SLC9A9: variants seen among roughly 807,000 people sequenced by gnomAD.
SLC9A9 encodes the protein solute carrier family 9 member A9, also known as sodium/hydrogen exchanger 9.
SLC9A9 carries 62 observed loss-of-function variants against 77.8 expected under a neutral mutation model. The observed-to-expected ratio is 0.80, with a 90% CI of 0.65 to 0.98. The LOEUF (loss-of-function observed/expected upper bound fraction) is 0.98. Among genes scored for constraint, SLC9A9 ranks in the 50% least tolerant of loss-of-function variants. The pLI is 0.00. For missense variants in SLC9A9, 775 were observed against 774.9 expected (o/e 1.00, Z 0.00); for synonymous variants, 320 against 283.5 (o/e 1.13, Z -1.29).
At chr3:143,542,389 G>T (rs2036704021) in intron 9 of SLC9A9, among the ~76,000 whole-genome samples, 1 of 152,186 alleles carries the variant, frequency 6.6e-6, no homozygotes, top group African/African-American at 2.4e-5. Flanking sequence ...GCTTTATGAA[G>T]ATATCTTTGA....
At chr3:143,386,052 A>G (rs2033417420) in intron 12 of SLC9A9, among the ~76,000 whole-genome samples, 1 of 152,052 alleles carries the variant, frequency 6.6e-6, no homozygotes, top group Non-Finnish European at 1.5e-5. Flanking sequence ...AACTCCAAGC[A>G]CTGTCCTCCC....
At chr3:143,802,047 G>T (rs1336524027) in intron 2 of SLC9A9, among the ~76,000 whole-genome samples, 1 of 152,158 alleles carries the variant, frequency 6.6e-6, no homozygotes, top group Non-Finnish European at 1.5e-5. Context: ...TGCTGATAAG[G>T]TAGCTAAAGA....
intron 4 of SLC9A9, among the ~76,000 whole-genome samples, chr3:143,706,635 A>G (rs1326985578): frequency 1.3e-5 from 2 of 152,170 alleles, no homozygotes; most frequent in Non-Finnish European, 2.9e-5. Context: ...ACAAGGATCC[A>G]TGAAGACTGC....
chr3:143,447,549 T>A (rs1460820918), intron 12 of SLC9A9, among the ~76,000 whole-genome samples: 1 of 152,170 alleles, frequency 6.6e-6, no homozygotes, highest in African/African-American at 2.4e-5. Context: ...CAGTTAGTAT[T>A]CCCTAATGGT....
At chr3:143,784,333 T>C (rs544588968) in intron 4 of SLC9A9, among the ~76,000 whole-genome samples, 10 of 152,240 alleles carry the variant, frequency 6.6e-5, no homozygotes, top group Admixed American at 2.6e-4. Flanking sequence ...TAGTTCTAAA[T>C]ATACCACTTA....
rs1035202022 is a variant in SLC9A9 at position 143,412,417 on chromosome 3, C to T, written c.1470-30303G>A. 2.6e-5 allele frequency among the ~76,000 whole-genome samples: 4 copies of T among 152,292 alleles called. No homozygotes were observed. In the South Asian group the frequency reaches 6.2e-4, roughly 24 times the overall value. On this transcript the variant is annotated intron_variant, in intron 12 of 15. Coordinates refer to ENST00000316549, the MANE Select transcript of SLC9A9 (RefSeq NM_173653.4). ...ACCCTCAGTGGCCCTGCACCTTCTA[C>T]AGCACAGCATCTGACCACTAATGCT...
At chr3:143,429,763 A>AGCG (rs34702898) in intron 12 of SLC9A9, among the ~76,000 whole-genome samples, 100,285 of 151,604 alleles carry the variant, frequency 0.66, 33,873 homozygotes, top group African/African-American at 0.81. Flanking sequence ...TAGTCCTCAG[A>AGCG]GCGTGTGTAG....
chr3:143,402,449 T>G (rs1456536439), intron 12 of SLC9A9, among the ~76,000 whole-genome samples: 5 of 14,532 alleles, frequency 3.4e-4, no homozygotes, highest in African/African-American at 8.4e-4. Flanking sequence ...ACCTTTGTGT[T>G]TTTTTTTTTT....
chr3:143,736,086 TC>T, intron 4 of SLC9A9, among the ~76,000 whole-genome samples: 1 of 152,208 alleles, frequency 6.6e-6, no homozygotes, highest in Non-Finnish European at 1.5e-5. Context: ...TATGTTGTGT[TC>T]TTTTTTTGGA....
At chr3:143,296,573 T>A (rs1345774964) in intron 14 of SLC9A9, among the ~76,000 whole-genome samples, 2 of 152,234 alleles carry the variant, frequency 1.3e-5, no homozygotes, top group Admixed American at 6.5e-5. Flanking sequence ...TTTGGGTATA[T>A]ACCCAGAAGT....
At chr3:143,829,535 G>T (rs1319245764) in intron 2 of SLC9A9, among the ~76,000 whole-genome samples, 1 of 152,066 alleles carries the variant, frequency 6.6e-6, no homozygotes, top group Non-Finnish European at 1.5e-5. Context: ...ATGACAACTA[G>T]TCTGTAAAGT....
intron 11 of SLC9A9, among the ~76,000 whole-genome samples, chr3:143,476,734 A>C (rs1007755762): frequency 2.0e-5 from 3 of 152,168 alleles, no homozygotes; most frequent in African/African-American, 7.2e-5. Context: ...GTTTTCTTTT[A>C]ACTGGAGTGA....
chr3:143,739,826 A>T (rs1215641511), intron 4 of SLC9A9, among the ~76,000 whole-genome samples: 1 of 152,176 alleles, frequency 6.6e-6, no homozygotes, highest in East Asian at 1.9e-4. Context: ...TAGAAATGAA[A>T]ACTCTCAGGC....
chr3:143,368,858 T>G (rs1171135955), intron 13 of SLC9A9, among the ~76,000 whole-genome samples: 1 of 152,214 alleles, frequency 6.6e-6, no homozygotes, highest in Non-Finnish European at 1.5e-5. Flanking sequence ...ACACAGTATA[T>G]AATTCAAGGG....
chr3:143,463,279 T>G (rs986108176), intron 12 of SLC9A9, among the ~76,000 whole-genome samples: 2 of 152,198 alleles, frequency 1.3e-5, no homozygotes, highest in African/African-American at 4.8e-5. Flanking sequence ...AGGTTTGCAC[T>G]GTGGTATGGG....
intron 6 of SLC9A9, among the ~76,000 whole-genome samples, chr3:143,596,263 A>G (rs541220826): frequency 6.6e-6 from 1 of 152,322 alleles, no homozygotes; most frequent in East Asian, 1.9e-4. Context: ...AAAGCAGATA[A>G]TATAAATCCT....
intron 14 of SLC9A9, among the ~76,000 whole-genome samples, chr3:143,305,096 A>C (rs917629983): frequency 1.3e-4 from 20 of 152,340 alleles, no homozygotes; most frequent in Non-Finnish European, 1.8e-4. Flanking sequence ...ATAAGGCAAA[A>C]TCACAACTTC....
chr3:143,292,272 A>G (rs1452043964), intron 14 of SLC9A9, among the ~76,000 whole-genome samples: 1 of 152,206 alleles, frequency 6.6e-6, no homozygotes, highest in African/African-American at 2.4e-5. Flanking sequence ...CCTCCAAGCA[A>G]TTCCAGCTCC....
chr3:143,350,756 A>G, intron 14 of SLC9A9, among the ~76,000 whole-genome samples: 1 of 152,312 alleles, frequency 6.6e-6, no homozygotes, highest in Non-Finnish European at 1.5e-5. Context: ...CTGGAACTAG[A>G]GTTCCATAGC....
Sources: gnomAD v4.1 joint callset for allele counts (sites outside exome capture counted in the v4.1 genomes callset) on GRCh38, gnomAD v4.1.1 for gene constraint, MANE v1.5 for transcripts, NCBI Gene and HGNC (gene_info 2026-07-23, HGNC 2026-07-21) for gene names.